The following ATP2C2 variants were observed in gnomAD, a reference collection of about 807,000 sequenced individuals.
The protein encoded by ATP2C2 is calcium-transporting ATPase type 2C member 2.
A neutral mutation model predicts 110.8 loss-of-function variants in ATP2C2; 171 were observed. That is an observed-to-expected ratio of 1.54 (90% CI 1.36 to 1.75). The LOEUF (loss-of-function observed/expected upper bound fraction) is 1.75. Ranked by LOEUF, ATP2C2 falls within the 40% of genes most tolerant of loss-of-function variation. ATP2C2 has a pLI of 0.00. For missense variants in ATP2C2, 1,963 were observed against 1,235.0 expected (o/e 1.59, Z -8.84); for synonymous variants, 804 against 508.4 (o/e 1.58, Z -7.82).
chr16:84,373,058 T>C (rs895565131), intron 1 of ATP2C2, among the ~76,000 whole-genome samples: 1 of 147,930 alleles, frequency 6.8e-6, no homozygotes, highest in African/African-American at 2.5e-5. Flanking sequence ...AGGCGGAGGT[T>C]GCAGAGAGCT....
chr16:84,448,486 C>G (rs374296510), intron 16 of ATP2C2, 47 bp from the exon 17 acceptor site: 8 of 1,573,122 alleles, frequency 5.1e-6, no homozygotes, highest in Non-Finnish European at 6.9e-6. Flanking sequence ...TCAGTATGAA[C>G]CAAGGCTTCC....
intron 1 of ATP2C2, among the ~76,000 whole-genome samples, chr16:84,372,410 T>C (rs894503999): frequency 2.6e-5 from 4 of 152,142 alleles, no homozygotes; most frequent in Non-Finnish European, 5.9e-5. Context: ...GTGGGCATCT[T>C]CTTAAAGAAA....
At position 84,448,701 on chromosome 16, in the gene ATP2C2, T is replaced by G. The variant is rs554447299; in HGVS notation, c.1660+12T>G. 6.8e-6 allele frequency: 11 copies of G among 1,607,398 alleles called. 1 individual carries two copies. The South Asian group carries it at 8.8e-5, about 13-fold the overall frequency. ...GCTCGGTTTGCGGGGTCAGTGCCTG[T>G]GGTCCCGGCCCAGAGCTTTAAGCTT... is the stretch of plus-strand genomic sequence containing the variant. On this transcript the variant is annotated intron_variant, in intron 17 of 26. Coordinates refer to ENST00000262429, the MANE Select transcript of ATP2C2 (RefSeq NM_014861.4).
intron 7 of ATP2C2, among the ~76,000 whole-genome samples, chr16:84,419,181 C>T (rs975644776): frequency 3.9e-5 from 5 of 129,016 alleles, no homozygotes; most frequent in South Asian, 2.5e-4. Context: ...GCACTGTAGC[C>T]TGGGTGACAG....
chr16:84,454,145 G>T (rs986881509), intron 20 of ATP2C2, among the ~76,000 whole-genome samples: 10 of 150,164 alleles, frequency 6.7e-5, no homozygotes, highest in Middle Eastern at 6.8e-3. Flanking sequence ...ACTCAACTCC[G>T]TGCCTCCGTT....
intron 1 of ATP2C2, among the ~76,000 whole-genome samples, chr16:84,369,302 A>T (rs527752755): frequency 6.6e-6 from 1 of 152,284 alleles, no homozygotes; most frequent in South Asian, 2.1e-4. Flanking sequence ...AGGGCGGTTC[A>T]TGAGGGAACG....
intron 1 of ATP2C2, among the ~76,000 whole-genome samples, chr16:84,387,864 A>T (rs2151405471): frequency 6.6e-6 from 1 of 151,080 alleles, no homozygotes; most frequent in East Asian, 2.0e-4. Flanking sequence ...AGGTGGTAGG[A>T]TTGCTTGAGC....
At chr16:84,392,991 C>T (rs555228129) in intron 1 of ATP2C2, among the ~76,000 whole-genome samples, 2 of 152,272 alleles carry the variant, frequency 1.3e-5, no homozygotes, top group Admixed American at 1.3e-4. Context: ...ACCTTCCTCA[C>T]GATTTACCCT....
chr16:84,414,478 G>C lies in ATP2C2; in HGVS notation c.516-1005G>C, dbSNP rs765499256. On this transcript the variant is annotated intron_variant, in intron 6 of 26. Transcript: ENST00000262429. The stretch of plus-strand genomic sequence containing the variant: ...ATAGAAGAAGGGTGTGTGTGTGTGC[G>C]TGCACGCGCGTGTACAGTAAGGAAA... 5.7e-4 allele frequency among the ~76,000 whole-genome samples: 87 copies of C among 152,230 alleles called. No individual in the cohort carries two copies. In the Middle Eastern group the frequency reaches 0.014, roughly 24 times the overall value.
intron 1 of ATP2C2, among the ~76,000 whole-genome samples, chr16:84,371,972 G>C (rs907243814): frequency 6.6e-6 from 1 of 152,220 alleles, no homozygotes; most frequent in African/African-American, 2.4e-5. Flanking sequence ...TAATGCCAAC[G>C]TGTCAGAGCT....
At chr16:84,412,761 G>C (rs569528559) in intron 6 of ATP2C2, among the ~76,000 whole-genome samples, 4 of 152,148 alleles carry the variant, frequency 2.6e-5, no homozygotes, top group African/African-American at 9.6e-5. Flanking sequence ...AGGCTGATCT[G>C]TCTTTCCCGA....
Position 84,460,663 on chromosome 16 carries a change from A to C in ATP2C2, c.2343A>C (p.Val781=). ...GTCTTGTTCGGAGCAGCTTGGGGGT[A>C]GAGCCCGTTGACAAAGACGCCTTCA... ...MDGPPAQSLG[V]EPVDKDAFRQ... The change falls in exon 24 of 27, where the codon GTA becomes GTC. Residue 781 remains valine, a synonymous_variant. Coordinates refer to ENST00000262429, the MANE Select transcript of ATP2C2 (RefSeq NM_014861.4). 1.9e-6 allele frequency: 3 copies of C among 1,614,238 alleles called. No individual in the cohort carries two copies. The highest frequency in any genetic ancestry group is 2.5e-6 in the Non-Finnish European group (3 of 1,180,036).
At chr16:84,433,274 T>A (rs1390556891) in intron 11 of ATP2C2, among the ~76,000 whole-genome samples, 3 of 152,190 alleles carry the variant, frequency 2.0e-5, no homozygotes, top group Admixed American at 2.0e-4. Context: ...CCCCAGCTAC[T>A]TGGGAGGCTG....
At chr16:84,458,793 G>T (rs924757425) in intron 21 of ATP2C2, among the ~76,000 whole-genome samples, 1 of 152,142 alleles carries the variant, frequency 6.6e-6, no homozygotes, top group African/African-American at 2.4e-5. Context: ...GGAGATGCAC[G>T]GCGCACTTCG....
chr16:84,454,231 A>G (rs1398481291), intron 20 of ATP2C2, among the ~76,000 whole-genome samples: 1 of 152,218 alleles, frequency 6.6e-6, no homozygotes, highest in Non-Finnish European at 1.5e-5. Flanking sequence ...AAACAAAGCC[A>G]GGCCCATGAA....
At chr16:84,401,336 G>A (rs1905308674) in intron 2 of ATP2C2, among the ~76,000 whole-genome samples, 1 of 147,872 alleles carries the variant, frequency 6.8e-6, no homozygotes. Context: ...CAATTCTCCT[G>A]CCTCAGCCTC....
chr16:84,462,503 T>G, intron 26 of ATP2C2: 1 of 189,456 alleles, frequency 5.3e-6, no homozygotes, highest in Non-Finnish European at 1.1e-5. Context: ...CTGGGGCCAG[T>G]AATGTGACTT....
intron 2 of ATP2C2, among the ~76,000 whole-genome samples, chr16:84,400,295 G>A (rs1025003358): frequency 6.6e-6 from 1 of 151,862 alleles, no homozygotes; most frequent in African/African-American, 2.4e-5. Context: ...GAGTGGGACT[G>A]GGGATCATAT....
rs748967019 is a variant in ATP2C2 at position 84,368,639 on chromosome 16, G to A, written c.24G>A (p.Glu8=). 6 of 1,565,416 alleles carry A rather than the reference G, an allele frequency of 3.8e-6. No individual in the cohort carries two copies. In the Admixed American group the frequency reaches 1.1e-4, roughly 29 times the overall value. MVEGRVS[E]FLKKLGFSGG... Reference sequence around the variant, plus strand: ...CCATGGTCGAGGGACGCGTCTCCGAGTTCCTGAAGAAACTCGGCTTCTCGG... The same window carrying A: ...CCATGGTCGAGGGACGCGTCTCCGAATTCCTGAAGAAACTCGGCTTCTCGG... Residue 8 remains glutamate, a synonymous_variant, in exon 1 of 27, where the codon GAG becomes GAA. Transcript: ENST00000262429.
Sources: allele counts gnomAD v4.1 joint callset (sites outside exome capture counted in the v4.1 genomes callset), GRCh38; gene constraint gnomAD v4.1.1; transcripts MANE v1.5; gene names NCBI Gene and HGNC (gene_info 2026-07-23, HGNC 2026-07-21).